Variants in PRR5L observed in about 807,000 individuals in gnomAD.
PRR5L encodes the protein proline-rich protein 5-like.
Under a neutral mutation model 36.4 loss-of-function variants are expected in PRR5L, and 21 were observed. That is an observed-to-expected ratio of 0.58 (90% CI 0.41 to 0.83). The LOEUF (loss-of-function observed/expected upper bound fraction) is 0.83, where lower values mean the gene tolerates loss of function less well. PRR5L is among the 40% of genes least tolerant of loss of function. The probability of loss-of-function intolerance (pLI) is 0.00; values close to 1 mark genes in which losing one functional copy is unlikely to be tolerated. For synonymous variants in PRR5L, 188 were observed against 197.0 expected, an observed-to-expected ratio of 0.95 and a Z score of 0.38; for missense variants, 381 against 473.3, an observed-to-expected ratio of 0.80 and a Z score of 1.81.
At chr11:36,352,151 G>T (rs908995098) in intron 1 of PRR5L, among the ~76,000 whole-genome samples, 34 of 151,964 alleles carry the variant, frequency 2.2e-4, no homozygotes, top group Non-Finnish European at 8.8e-5. Flanking sequence ...ATGGTATTGT[G>T]GTTTCAATTT....
intron 6 of PRR5L, among the ~76,000 whole-genome samples, chr11:36,439,719 G>T (rs765208): frequency 6.6e-6 from 1 of 152,170 alleles, no homozygotes; most frequent in African/African-American, 2.4e-5. Context: ...CCCTGAAAAA[G>T]GCAAACTGTG....
chr11:36,390,416 A>C (rs1857542855), intron 1 of PRR5L, among the ~76,000 whole-genome samples: 1 of 152,238 alleles, frequency 6.6e-6, no homozygotes, highest in South Asian at 2.1e-4. Flanking sequence ...AATTTATTCT[A>C]AGACTTGTGG....
At chr11:36,410,629 G>A (rs963859220) in intron 3 of PRR5L, among the ~76,000 whole-genome samples, 7 of 152,170 alleles carry the variant, frequency 4.6e-5, no homozygotes, top group South Asian at 2.1e-4. Context: ...AATGCTCTTC[G>A]TCAGTTTCCT....
intron 1 of PRR5L, chr11:36,329,279 G>C (rs565342928): frequency 1.3e-5 from 2 of 152,244 alleles, no homozygotes; most frequent in East Asian, 3.9e-4. Context: ...GGACCAAACT[G>C]TTGTGATAAA....
intron 3 of PRR5L, among the ~76,000 whole-genome samples, chr11:36,413,477 T>G (rs1858070529): frequency 6.6e-6 from 1 of 152,214 alleles, no homozygotes; most frequent in East Asian, 1.9e-4. Context: ...TGAATAGGAT[T>G]GTTTTGACAT....
intron 1 of PRR5L, among the ~76,000 whole-genome samples, chr11:36,394,970 A>C (rs1419116294): frequency 1.3e-5 from 2 of 152,122 alleles, no homozygotes; most frequent in Admixed American, 6.6e-5. Context: ...GTGGCTGTAC[A>C]TCCTTCAGAG....
chr11:36,309,866 A>C (rs1174183908), intron 1 of PRR5L, among the ~76,000 whole-genome samples: 2 of 132,048 alleles, frequency 1.5e-5, no homozygotes, highest in Non-Finnish European at 3.3e-5. Flanking sequence ...TTACAGTTCT[A>C]TGATGTCTCA....
rs1394456162 is a variant in PRR5L, at chr11:36,320,648, G to C, written c.-126+24210G>C. Among the ~76,000 whole-genome samples the C allele has an allele frequency of 4.6e-5, 7 of 152,192 alleles. No individual in the cohort carries two copies. The East Asian group carries it at 7.7e-4, about 17-fold the overall frequency. ...ACCTGGTAAGGTGGTGTACGGATTA[G>C]AGCTATGCATGCTACTTGCTTAGAA... is the stretch of plus-strand genomic sequence containing the variant. On this transcript the variant is annotated intron_variant, in intron 1 of 8. Transcript: ENST00000530639.
At chr11:36,417,234 C>A (rs1348240344) in intron 3 of PRR5L, among the ~76,000 whole-genome samples, 1 of 152,202 alleles carries the variant, frequency 6.6e-6, no homozygotes, top group Non-Finnish European at 1.5e-5. Flanking sequence ...TCCACTTGTG[C>A]GCAAAGCTTG....
intron 8 of PRR5L, among the ~76,000 whole-genome samples, chr11:36,453,097 A>G (rs1325254501): frequency 6.6e-6 from 1 of 152,216 alleles, no homozygotes; most frequent in Non-Finnish European, 1.5e-5. Context: ...AGGCTTGTTC[A>G]TGTAGGTTTC....
At chr11:36,299,213 C>T (rs1328530539) in intron 1 of PRR5L, among the ~76,000 whole-genome samples, 2 of 152,112 alleles carry the variant, frequency 1.3e-5, no homozygotes, top group African/African-American at 4.8e-5. Context: ...CCAGGAAATC[C>T]AAAGCTACCA....
chr11:36,448,071 G>A (rs1411789917), intron 7 of PRR5L, among the ~76,000 whole-genome samples: 1 of 152,138 alleles, frequency 6.6e-6, no homozygotes, highest in East Asian at 1.9e-4. Flanking sequence ...TTGTGGGAAG[G>A]AGAATTGATC....
In PRR5L at chr11:36,321,612, A is replaced by T. The variant is rs548946197; in HGVS notation, c.-126+25174A>T. On this transcript the variant is annotated intron_variant, in intron 1 of 8. Coordinates refer to ENST00000530639, the MANE Select transcript of PRR5L (RefSeq NM_001160167.2). ...TACAGAAGCAGCATGCCCTGAAAGAAACAAAGATTGGCAAAGGTTAGGCAT... is the reference window on the plus strand; with the variant it reads ...TACAGAAGCAGCATGCCCTGAAAGATACAAAGATTGGCAAAGGTTAGGCAT... 5 of 152,368 alleles carry T rather than the reference A, an allele frequency of 3.3e-5. No homozygotes were observed. In the South Asian group the frequency reaches 1.0e-3, roughly 32 times the overall value. 9.4% of individuals were successfully genotyped at this position (152,368 alleles called of 1,614,324 possible).
At chr11:36,340,276 A>C (rs781421638) in intron 1 of PRR5L, among the ~76,000 whole-genome samples, 7 of 152,150 alleles carry the variant, frequency 4.6e-5, no homozygotes, top group Non-Finnish European at 1.0e-4. Flanking sequence ...AAACTGGCCT[A>C]TTTTGGAAAC....
chr11:36,362,253 T>A (rs1434726606), intron 1 of PRR5L: 1 of 152,078 alleles, frequency 6.6e-6, no homozygotes, highest in African/African-American at 2.4e-5. Context: ...CTCTCATTCT[T>A]ATGACTCTGA....
At chr11:36,319,334 C>T (rs757637976) in intron 1 of PRR5L, among the ~76,000 whole-genome samples, 8 of 152,190 alleles carry the variant, frequency 5.3e-5, no homozygotes, top group Non-Finnish European at 7.3e-5. Flanking sequence ...AGAGCTAACA[C>T]AAGGAAGAAA....
At chr11:36,406,995 T>C (rs1857924994) in intron 3 of PRR5L, among the ~76,000 whole-genome samples, 1 of 152,212 alleles carries the variant, frequency 6.6e-6, no homozygotes, top group South Asian at 2.1e-4. Context: ...ACTAACCTCA[T>C]GGTCATTGGG....
At chr11:36,331,889 T>A (rs1054761705) in intron 1 of PRR5L, among the ~76,000 whole-genome samples, 6 of 152,190 alleles carry the variant, frequency 3.9e-5, no homozygotes, top group African/African-American at 1.4e-4. Flanking sequence ...TGTGTCTATG[T>A]AGGTATATAT....
rs75339077 is a variant in PRR5L, at chr11:36,399,027, C to T, written c.-125-1970C>T. Among the ~76,000 whole-genome samples, 53 of 152,292 alleles carry T rather than the reference C, an allele frequency of 3.5e-4. No individual in the cohort carries two copies. In the East Asian group the frequency reaches 9.3e-3, roughly 27 times the overall value. ...AATGGATCCTGTCTTAGTAGTGTGACCTTTACTGGGTGAGTTAAATCCCAA... is the reference window on the plus strand; with the variant it reads ...AATGGATCCTGTCTTAGTAGTGTGATCTTTACTGGGTGAGTTAAATCCCAA... On this transcript the variant is annotated intron_variant, in intron 1 of 8. Coordinates refer to ENST00000530639, the MANE Select transcript of PRR5L (RefSeq NM_001160167.2).
Sources: gnomAD v4.1 joint callset for allele counts (sites outside exome capture counted in the v4.1 genomes callset) on GRCh38, gnomAD v4.1.1 for gene constraint, MANE v1.5 for transcripts, NCBI Gene and HGNC (gene_info 2026-07-23, HGNC 2026-07-21) for gene names.